Variants in DCDC1 observed in about 807,000 individuals in gnomAD.
DCDC1 encodes doublecortin domain-containing protein 1.
Under a neutral mutation model 178.3 loss-of-function variants are expected in DCDC1, and 200 were observed. That is an observed-to-expected ratio of 1.12 (90% CI 1.00 to 1.26). The LOEUF (loss-of-function observed/expected upper bound fraction) is 1.26, where lower values mean the gene tolerates loss of function less well. DCDC1 is among the 50% of genes most tolerant of loss of function. The pLI, the probability that DCDC1 is intolerant of heterozygous loss-of-function variation, is 0.00. For synonymous variants in DCDC1, 690 were observed against 604.8 expected, an observed-to-expected ratio of 1.14 and a Z score of -2.07; for missense variants, 1,983 against 1,749.2, an observed-to-expected ratio of 1.13 and a Z score of -2.38.
At chr11:31,197,084 A>T (rs1013337251) in intron 9 of DCDC1, among the ~76,000 whole-genome samples, 10 of 152,146 alleles carry the variant, frequency 6.6e-5, no homozygotes, top group Non-Finnish European at 2.9e-5. Flanking sequence ...GAACAGGGAC[A>T]GGACCAAATA....
At chr11:30,902,855 T>C (rs1944789788) in intron 32 of DCDC1, among the ~76,000 whole-genome samples, 1 of 152,170 alleles carries the variant, frequency 6.6e-6, no homozygotes, top group African/African-American at 2.4e-5. Flanking sequence ...TAGCAGACTG[T>C]CGTTTGGGAC....
intron 20 of DCDC1, among the ~76,000 whole-genome samples, chr11:30,954,670 C>T (rs1041320239): frequency 6.6e-6 from 1 of 152,070 alleles, no homozygotes; most frequent in Non-Finnish European, 1.5e-5. Context: ...AGAAATGAAA[C>T]GATGGACATT....
At chr11:31,173,515 T>A (rs1967532344) in intron 9 of DCDC1, among the ~76,000 whole-genome samples, 1 of 152,154 alleles carries the variant, frequency 6.6e-6, no homozygotes, top group African/African-American at 2.4e-5. Flanking sequence ...TTGTATAAAT[T>A]AGAGAGTTTC....
At chr11:31,263,169 T>TTTCAATTCTAGCAGTTCA in intron 8 of DCDC1, 1 of 1,273,684 alleles carries the variant, frequency 7.9e-7, no homozygotes, top group South Asian at 1.4e-5. Flanking sequence ...TCCCTTATAG[T>TTTCAATTCTAGCAGTTCA]TTCAATTCTA....
At chr11:31,366,862 G>C (rs1355214604) in intron 1 of DCDC1, among the ~76,000 whole-genome samples, 4 of 152,204 alleles carry the variant, frequency 2.6e-5, no homozygotes, top group African/African-American at 9.7e-5. Context: ...CAGGAACTAA[G>C]GAAGGGTAAG....
rs557754035 is a variant in DCDC1 at position 30,921,038 on chromosome 11, T to G, written c.3134-103A>C. ...AATACAAATGCAAAATAATTCCATC[T>G]ATTTGGTCTATTCATAGGTTACTTA... On this transcript the variant is annotated intron_variant, in intron 24 of 38. Transcript: ENST00000684477. 4 of 1,232,016 alleles carry G rather than the reference T, an allele frequency of 3.2e-6. No homozygotes were observed. In the South Asian group the frequency reaches 6.3e-5, roughly 19 times the overall value. The allele number at this position is 1,232,016 out of a possible 1,614,324, so 76.3% of individuals were successfully genotyped here. A position where few individuals can be genotyped will look rare whatever the true frequency, so the allele number is the denominator to read the frequency against.
intron 10 of DCDC1, among the ~76,000 whole-genome samples, chr11:31,131,653 A>G (rs1243926012): frequency 6.6e-6 from 1 of 152,202 alleles, no homozygotes; most frequent in Non-Finnish European, 1.5e-5. Flanking sequence ...GAAAGGCCCT[A>G]AATAGAAGGA....
At position 31,137,760 on chromosome 11, in the gene DCDC1, T is replaced by G. The variant is rs1344180486; in HGVS notation, c.1246A>C (p.Lys416Gln). The change falls in exon 10 of 39, where the codon AAG becomes CAG. Residue 416 changes from lysine (K) to glutamine (Q), a missense_variant. Physicochemically the swap from Lys to Gln is moderately conservative, Grantham distance 53. Coordinates refer to ENST00000684477, the MANE Select transcript of DCDC1 (RefSeq NM_001387274.1). ...ATGACTTTTTCTGTAATTTTCTCCTTCTGTTCATTCATGACCAGGTTCAAC... is the reference window on the plus strand; with the variant it reads ...ATGACTTTTTCTGTAATTTTCTCCTGCTGTTCATTCATGACCAGGTTCAAC... ...KQLNLVMNEQKEKITEKVILS... is the reference protein window; with the variant it reads ...KQLNLVMNEQQEKITEKVILS... 7 of 702,700 alleles carry G rather than the reference T, an allele frequency of 1.0e-5. No homozygotes were observed. Among genetic ancestry groups the G allele is most frequent in the Non-Finnish European group, 1.8e-5 (7 of 384,914 alleles). 43.5% of individuals were successfully genotyped at this position (702,700 alleles called of 1,614,324 possible).
intron 20 of DCDC1, among the ~76,000 whole-genome samples, chr11:31,052,210 T>C (rs2135416046): frequency 6.6e-6 from 1 of 152,230 alleles, no homozygotes; most frequent in South Asian, 2.1e-4. Flanking sequence ...TATTCTTGTA[T>C]CAGACAAAAT....
At chr11:30,989,362 A>T (rs1261613569) in intron 20 of DCDC1, among the ~76,000 whole-genome samples, 1 of 152,184 alleles carries the variant, frequency 6.6e-6, no homozygotes, top group South Asian at 2.1e-4. Flanking sequence ...CAAAATCAAG[A>T]TCATTTATAT....
intron 11 of DCDC1, among the ~76,000 whole-genome samples, chr11:31,126,163 C>T (rs755323936): frequency 1.3e-5 from 2 of 152,132 alleles, no homozygotes; most frequent in Non-Finnish European, 2.9e-5. Flanking sequence ...ATTAAAGCAA[C>T]TACACTTCCC....
intron 9 of DCDC1, among the ~76,000 whole-genome samples, chr11:31,212,270 C>T (rs981780732): frequency 4.0e-5 from 6 of 150,404 alleles, no homozygotes; most frequent in Non-Finnish European, 8.9e-5. Flanking sequence ...AAAAATATAC[C>T]CTTACAATGC....
chr11:31,289,702 T>C (rs1267367872), intron 7 of DCDC1, among the ~76,000 whole-genome samples: 2 of 152,044 alleles, frequency 1.3e-5, no homozygotes, highest in African/African-American at 4.8e-5. Context: ...AAACATTTAA[T>C]GAGAACTTTC....
chr11:30,889,251 C>T (rs116068851), intron 36 of DCDC1, among the ~76,000 whole-genome samples: 2,711 of 152,290 alleles, frequency 0.018, 77 homozygotes, highest in African/African-American at 0.061. Flanking sequence ...GCATTGATGA[C>T]TGATGAGCCG....
chr11:31,207,338 A>T (rs370610426), intron 9 of DCDC1, among the ~76,000 whole-genome samples: 1 of 152,378 alleles, frequency 6.6e-6, no homozygotes, highest in South Asian at 2.1e-4. Flanking sequence ...ATTATAAAAC[A>T]TACAAGACAT....
intron 9 of DCDC1, among the ~76,000 whole-genome samples, chr11:31,232,656 T>G (rs1975930294): frequency 6.6e-6 from 1 of 152,180 alleles, no homozygotes; most frequent in Admixed American, 6.5e-5. Flanking sequence ...GAAGATAGGC[T>G]TTAGTGCCAT....
intron 9 of DCDC1, among the ~76,000 whole-genome samples, chr11:31,200,580 AAAATTAATAAGTTAGATATTCATCT>A (rs1971177797): frequency 6.6e-6 from 1 of 152,094 alleles, no homozygotes; most frequent in Non-Finnish European, 1.5e-5. Flanking sequence ...AACTAATGTA[AAAATTAATAAGTTAGATATTCATCT>A]ATTCAAGCAA....
At chr11:30,934,734 G>T (rs936589998) in intron 21 of DCDC1, among the ~76,000 whole-genome samples, 7 of 152,126 alleles carry the variant, frequency 4.6e-5, no homozygotes, top group Non-Finnish European at 1.5e-5. Flanking sequence ...TAAGGGAAAC[G>T]GAACCACCTG....
intron 21 of DCDC1, among the ~76,000 whole-genome samples, chr11:30,944,543 T>C (rs1947877175): frequency 6.6e-6 from 1 of 152,098 alleles, no homozygotes; most frequent in Non-Finnish European, 1.5e-5. Context: ...GAAATAGAGT[T>C]TGTTCTGCTA....
Sources: allele counts gnomAD v4.1 joint callset (sites outside exome capture counted in the v4.1 genomes callset), GRCh38; gene constraint gnomAD v4.1.1; transcripts MANE v1.5; gene names NCBI Gene and HGNC (gene_info 2026-07-23, HGNC 2026-07-21).